VPS13D: variants seen among roughly 807,000 people sequenced by gnomAD.
VPS13D encodes intermembrane lipid transfer protein VPS13D.
Under a neutral mutation model 461.9 loss-of-function variants are expected in VPS13D, and 187 were observed. The ratio of observed to expected loss-of-function variants is 0.40; its 90% CI spans 0.36 to 0.46. VPS13D has a LOEUF of 0.46. VPS13D is among the 20% of genes least tolerant of loss of function. The pLI is 0.60. For synonymous variants in VPS13D, 1,951 were observed against 1,986.3 expected (o/e 0.98, Z 0.47); for missense variants, 4,711 against 5,364.9 (o/e 0.88, Z 3.81).
intron 46 of VPS13D, among the ~76,000 whole-genome samples, chr1:12,351,047 A>G (rs1643779953): frequency 6.6e-6 from 1 of 152,250 alleles, no homozygotes; most frequent in Non-Finnish European, 1.5e-5. Context: ...ACTGTTAGAA[A>G]AGCCTTTGTC....
chr1:12,481,207 G>A (rs1645711255), intron 67 of VPS13D, among the ~76,000 whole-genome samples: 1 of 152,216 alleles, frequency 6.6e-6, no homozygotes, highest in Admixed American at 6.5e-5. Flanking sequence ...GGAGGCCCAG[G>A]CAGGGGCCCA....
chr1:12,371,663 G>A (rs983757837), intron 54 of VPS13D, among the ~76,000 whole-genome samples: 2 of 152,100 alleles, frequency 1.3e-5, no homozygotes, highest in African/African-American at 4.8e-5. Context: ...AAAGTGCTGG[G>A]ATTACAGGCT....
chr1:12,276,366 T>G lies in VPS13D; in HGVS notation c.2778T>G (p.Ser926Arg), dbSNP rs763317061. 73 of 1,613,982 alleles carry G rather than the reference T, an allele frequency of 4.5e-5. No homozygotes were observed. The highest frequency in any genetic ancestry group is 1.6e-4 in the Middle Eastern group (1 of 6,084). The change falls in exon 19 of 70, where the codon AGT becomes AGG. Residue 926 changes from serine to arginine, a missense_variant. Transcript: ENST00000620676. This position sits in a 1 kb window ranked among gnomAD's most constrained non-coding sequence, Gnocchi z 4.5. ...TTCCCCAGGAGGAGCAGCGGGGAAG[T>G]TTGCAAGACTCCGTAATGAATTTAA... ...KIFPQEEQRG[S>R]LQDSVMNLTQ...
intron 22 of VPS13D, among the ~76,000 whole-genome samples, chr1:12,290,455 G>A (rs1427740345): frequency 2.6e-5 from 4 of 152,104 alleles, no homozygotes; most frequent in East Asian, 3.8e-4. Context: ...GGGCGCGGTG[G>A]CTCACACCTG....
rs952497839 is a variant in VPS13D at position 12,356,500 on chromosome 1, A to G, written c.9974A>G (p.Tyr3325Cys). ...AGCCTGAGTCCTCTCTTATTCTGCTATGCTGACAAAGAGCAGCCAAACCTG... is the reference window on the plus strand; with the variant it reads ...AGCCTGAGTCCTCTCTTATTCTGCTGTGCTGACAAAGAGCAGCCAAACCTG... ...ARSLSPLLFCYADKEQPNLCT... is the reference protein window; with the variant it reads ...ARSLSPLLFCCADKEQPNLCT... Residue 3325 changes from tyrosine (Y) to cysteine (C), a missense_variant, in exon 49 of 70, where the codon TAT (tyrosine) becomes TGT (cysteine). Physicochemically the swap from Tyr to Cys is radical, Grantham distance 194. Coordinates refer to ENST00000620676, the MANE Select transcript of VPS13D (RefSeq NM_015378.4). The G allele has an allele frequency of 1.2e-5, 20 of 1,613,832 alleles. No homozygotes were observed. The highest frequency in any genetic ancestry group is 1.6e-4 in the Middle Eastern group (1 of 6,070).
chr1:12,266,275 A>C (rs918648279), intron 13 of VPS13D, among the ~76,000 whole-genome samples: 1 of 152,248 alleles, frequency 6.6e-6, no homozygotes, highest in Non-Finnish European at 1.5e-5. Context: ...TTTGAAAGAA[A>C]TTCTACTGTG....
chr1:12,293,692 T>C lies in VPS13D; in HGVS notation c.6021T>C (p.Ile2007=). The change falls in exon 24 of 70, where the codon ATT becomes ATC. Residue 2007 remains isoleucine (I), a synonymous_variant. Transcript: ENST00000620676. ...QDVLGRQRAA[I]EGQTVRDQAQ... Reference sequence around the variant, plus strand: ...TCTTAGGGCGCCAGCGAGCTGCTATTGAGGGGCAGACGGTAGGTAGCCTGG... The same window carrying C: ...TCTTAGGGCGCCAGCGAGCTGCTATCGAGGGGCAGACGGTAGGTAGCCTGG... The C allele has an allele frequency of 6.2e-7, 1 of 1,613,732 alleles. No homozygotes were observed.
At chr1:12,376,925 G>T (rs1028396389) in intron 55 of VPS13D, among the ~76,000 whole-genome samples, 1 of 152,048 alleles carries the variant, frequency 6.6e-6, no homozygotes, top group Non-Finnish European at 1.5e-5. Context: ...TTCACATGTT[G>T]GACCTACCAT....
rs573742971 is a variant in VPS13D at position 12,359,866 on chromosome 1, C to T, written c.10141+1265C>T. On this transcript the variant is annotated intron_variant, in intron 50 of 69. Transcript: ENST00000620676. The stretch of plus-strand genomic sequence containing the variant: ...CTTGTTCTCACTTTCGTTTGCTCCA[C>T]CCTTTGAATAGGCAAAGGCTGCTTT... Among the ~76,000 whole-genome samples, 4 of 152,328 alleles carry T rather than the reference C, an allele frequency of 2.6e-5. No homozygotes were observed. The East Asian group carries it at 7.7e-4, about 29-fold the overall frequency.
chr1:12,473,179 G>A lies in VPS13D; in HGVS notation c.12662+12783G>A, dbSNP rs1645584565. ...CCTGGGTGCTGATGGGTGTTTTGTAGTTTCCAAGGGAAGTTGCTGAAAGTT... is the reference window on the plus strand; with the variant it reads ...CCTGGGTGCTGATGGGTGTTTTGTAATTTCCAAGGGAAGTTGCTGAAAGTT... On this transcript the variant is annotated intron_variant, in intron 67 of 69. Transcript: ENST00000620676. The surrounding 1 kb of genome is among the most constrained non-coding windows in gnomAD (Gnocchi z 4.2). Among the ~76,000 whole-genome samples, 2 of 152,178 alleles carry A rather than the reference G, an allele frequency of 1.3e-5. No homozygotes were observed. Among genetic ancestry groups the A allele is most frequent in the Admixed American group, 1.3e-4 (2 of 15,274 alleles).
At chr1:12,417,946 G>A (rs574478128) in intron 65 of VPS13D, among the ~76,000 whole-genome samples, 24 of 151,738 alleles carry the variant, frequency 1.6e-4, no homozygotes, top group Non-Finnish European at 3.1e-4. Flanking sequence ...TTGGTCTGTC[G>A]CCCAGACTGG....
chr1:12,324,027 G>A (rs1203876169), intron 35 of VPS13D, among the ~76,000 whole-genome samples: 1 of 152,126 alleles, frequency 6.6e-6, no homozygotes, highest in East Asian at 1.9e-4. Context: ...TTCTGCCTCA[G>A]CCTCCTGAGT....
rs146870283 is a variant in VPS13D at position 12,244,246 on chromosome 1, G to A, written c.176G>A (p.Gly59Asp). 2 of 1,607,962 alleles carry A rather than the reference G, an allele frequency of 1.2e-6. No homozygotes were observed. Among genetic ancestry groups the A allele is most frequent in the African/African-American group, 1.3e-5 (1 of 74,494 alleles). The change falls in exon 4 of 70, where the codon GGC becomes GAC. Residue 59 changes from glycine to aspartate, a missense_variant and splice_region_variant. This residue lies in a region of VPS13D where 4,411 missense variants were observed against 4,937.8 expected (regional missense o/e 0.89). Coordinates refer to ENST00000620676, the MANE Select transcript of VPS13D (RefSeq NM_015378.4). ...AACAAGACTTTCCTTCTCCTTCCAG[G>A]CTTCATTGGGAAAGTAACCCTTCAG... ...ELELPFEVKA[G>D]FIGKVTLQIP...
rs1646165375 is a variant in VPS13D, at chr1:12,510,301, A to C, written c.*1277A>C. On this transcript the variant is annotated 3_prime_UTR_variant, in exon 70 of 70. Coordinates refer to ENST00000620676, the MANE Select transcript of VPS13D (RefSeq NM_015378.4). ...GAGAAGGGAAAAGGGGCCTCACTTT[A>C]GAATGAATGAGTCACCTTGTGATTT... 6.6e-6 allele frequency: 1 copy of C among 152,240 alleles called. No homozygotes were observed. Among genetic ancestry groups the C allele is most frequent in the South Asian group, 2.1e-4 (1 of 4,830 alleles). 9.4% of individuals were successfully genotyped at this position (152,240 alleles called of 1,614,324 possible). A position where few individuals can be genotyped will look rare whatever the true frequency, so the allele number is the denominator to read the frequency against.
chr1:12,249,967 A>T lies in VPS13D; in HGVS notation c.564+628A>T, dbSNP rs1424254081. On this transcript the variant is annotated intron_variant, in intron 6 of 69. Transcript: ENST00000620676. ...AGGACCGCCTCCCACTTCAGATGCC[A>T]GTCACAAGGCCCAGGTTGTGACCGG... Among the ~76,000 whole-genome samples the T allele has an allele frequency of 2.0e-5, 3 of 152,204 alleles. No individual in the cohort carries two copies. In the East Asian group the frequency reaches 5.8e-4, roughly 29 times the overall value.
intron 65 of VPS13D, among the ~76,000 whole-genome samples, chr1:12,420,309 G>C (rs555260134): frequency 2.0e-5 from 3 of 152,260 alleles, no homozygotes; most frequent in African/African-American, 4.8e-5. Context: ...TGTTTTATTT[G>C]TTTCTCTGTG....
In VPS13D at chr1:12,308,657, T is replaced by G. The variant is rs758004921; in HGVS notation, c.6650+16T>G. 2 of 1,612,024 alleles carry G rather than the reference T, an allele frequency of 1.2e-6. No homozygotes were observed. Among genetic ancestry groups the G allele is most frequent in the Non-Finnish European group, 1.7e-6 (2 of 1,179,380 alleles). Reference sequence around the variant, plus strand: ...ATTTGGACAAGTGAGTGTTTTTTTTTTTTTTTGAGATGGAGTCTCGCTCTG... The same window carrying G: ...ATTTGGACAAGTGAGTGTTTTTTTTGTTTTTTGAGATGGAGTCTCGCTCTG... On this transcript the variant is annotated intron_variant, in intron 27 of 69. Coordinates refer to ENST00000620676, the MANE Select transcript of VPS13D (RefSeq NM_015378.4).
At chr1:12,478,987 C>T (rs1040408795) in intron 67 of VPS13D, 4 of 437,560 alleles carry the variant, frequency 9.1e-6, no homozygotes, top group African/African-American at 6.0e-5. Flanking sequence ...TCCACAGCTA[C>T]GCCCAGGTGC....
chr1:12,431,399 C>T (rs1199131977), intron 65 of VPS13D, among the ~76,000 whole-genome samples: 1 of 150,424 alleles, frequency 6.6e-6, no homozygotes, highest in Non-Finnish European at 1.5e-5. Flanking sequence ...CTGTAAGGTT[C>T]TCAAAGCTAA....
Sources: allele counts gnomAD v4.1 joint callset (sites outside exome capture counted in the v4.1 genomes callset), GRCh38; gene constraint gnomAD v4.1.1; regional missense constraint gnomAD v4.1.1; non-coding constraint Gnocchi (gnomAD v3.1); transcripts MANE v1.5; gene names NCBI Gene and HGNC (gene_info 2026-07-23, HGNC 2026-07-21).